ZFP64: variants seen among roughly 807,000 people sequenced by gnomAD.
The protein encoded by ZFP64 is ZFP64 zinc finger protein.
In ZFP64, 14 loss-of-function variants were observed where a neutral mutation model predicts 51.6. That is an observed-to-expected ratio of 0.27 (90% CI 0.18 to 0.42). ZFP64 has a LOEUF of 0.42. Among genes scored for constraint, ZFP64 ranks in the 10% least tolerant of loss-of-function variants. The pLI, the probability that ZFP64 is intolerant of heterozygous loss-of-function variation, is 1.00. For missense variants in ZFP64, 754 were observed against 906.8 expected, an observed-to-expected ratio of 0.83 and a Z score of 2.16; for synonymous variants, 375 against 361.4, an observed-to-expected ratio of 1.04 and a Z score of -0.43.
chr20:52,171,410 C>CGTATGT (rs1202171936), intron 2 of ZFP64, among the ~76,000 whole-genome samples: 6 of 151,904 alleles, frequency 3.9e-5, no homozygotes, highest in Non-Finnish European at 5.9e-5. Context: ...TATGTGTATG[C>CGTATGT]GTATGTGTAT....
intron 5 of ZFP64, among the ~76,000 whole-genome samples, chr20:52,143,792 C>T (rs948667353): frequency 7.0e-6 from 1 of 142,486 alleles, no homozygotes; most frequent in Non-Finnish European, 1.6e-5. Flanking sequence ...TCATGTGATC[C>T]TTTTGCCTTG....
intron 2 of ZFP64, chr20:52,176,003 G>T (rs1373148723): frequency 2.0e-6 from 2 of 983,844 alleles, no homozygotes; most frequent in African/African-American, 1.7e-5. Flanking sequence ...GGTGAGTGGC[G>T]CTGCCCTGTT....
chr20:52,091,547 A>C (rs1295118153), intron 7 of ZFP64, among the ~76,000 whole-genome samples: 1 of 152,220 alleles, frequency 6.6e-6, no homozygotes, highest in Non-Finnish European at 1.5e-5. Flanking sequence ...CAGTATGTAG[A>C]TAAAAGTCAA....
intron 5 of ZFP64, among the ~76,000 whole-genome samples, chr20:52,157,994 T>A (rs1981459877): frequency 6.6e-6 from 1 of 152,240 alleles, no homozygotes; most frequent in African/African-American, 2.4e-5. Context: ...GCAAAGGACA[T>A]GAACTCAACC....
intron 5 of ZFP64, among the ~76,000 whole-genome samples, chr20:52,121,871 T>C (rs898556837): frequency 1.3e-5 from 2 of 152,180 alleles, no homozygotes; most frequent in Non-Finnish European, 1.5e-5. Context: ...ATGTAGCTGG[T>C]GACTTGAAGT....
chr20:52,152,120 C>T lies in ZFP64; in HGVS notation c.*26G>A, dbSNP rs753827623. On this transcript the variant is annotated 3_prime_UTR_variant, in exon 6 of 6. Transcript: ENST00000216923. ...AGATTTCTTTTTCTCAATTCCTTTC[C>T]CCCACTCCTTTTGTTTTTTTAAGCA... is the stretch of plus-strand genomic sequence containing the variant. 4.4e-6 allele frequency: 7 copies of T among 1,581,614 alleles called. No individual in the cohort carries two copies. The highest frequency in any genetic ancestry group is 6.0e-6 in the Non-Finnish European group (7 of 1,161,088).
At chr20:52,189,717 G>A (rs1261432903) in intron 1 of ZFP64, among the ~76,000 whole-genome samples, 7 of 151,844 alleles carry the variant, frequency 4.6e-5, no homozygotes, top group African/African-American at 1.5e-4. Context: ...CATGTGATCC[G>A]CCCGCCTCAG....
chr20:52,159,915 C>T (rs1981633642), intron 5 of ZFP64, among the ~76,000 whole-genome samples: 2 of 152,092 alleles, frequency 1.3e-5, no homozygotes, highest in South Asian at 4.1e-4. Context: ...GTGGAGGTTG[C>T]AGTGAGCTGA....
At position 52,110,662 on chromosome 20, in the gene ZFP64, C is replaced by A. The variant is rs115323647; in HGVS notation, c.764-12075G>T. The A allele has an allele frequency of 1.8e-4, 248 of 1,411,692 alleles. 1 individual carries two copies. In the African/African-American group the frequency reaches 3.3e-3, roughly 19 times the overall value. 87.4% of individuals were successfully genotyped at this position (1,411,692 alleles called of 1,614,324 possible). On this transcript the variant is annotated intron_variant, in intron 5 of 8. Coordinates refer to the ZFP64 transcript ENST00000361387. ...GTGTCCTATGCAGCTGGCCACCAGG[C>A]CACCTGGCATAGCTAGCTAGACCCC...
chr20:52,142,390 A>ACACGCGCG (rs1555804640), intron 5 of ZFP64, among the ~76,000 whole-genome samples: 63 of 148,912 alleles, frequency 4.2e-4, no homozygotes, highest in African/African-American at 1.4e-3. Context: ...ACACACACAC[A>ACACGCGCG]CACACACACA....
intron 5 of ZFP64, chr20:52,098,644 T>A: frequency 1.2e-6 from 2 of 1,607,788 alleles, no homozygotes; most frequent in Admixed American, 3.3e-5. Context: ...ATGCTAAGTC[T>A]TAGAATACAG....
At chr20:52,084,739 C>A in exon 9 of ZFP64, 1 of 1,614,236 alleles carries the variant, frequency 6.2e-7, no homozygotes, top group Non-Finnish European at 8.5e-7. Context: ...AAGGAGGCGC[C>A]GCAGGTCTCA....
At chr20:52,161,450 C>CTTTTTT (rs11469696) in intron 4 of ZFP64, among the ~76,000 whole-genome samples, 1,719 of 115,002 alleles carry the variant, frequency 0.015, 66 homozygotes, top group African/African-American at 0.055. Context: ...TGATTGCTTT[C>CTTTTTT]TTTTTTTTTT....
chr20:52,187,796 GT>G (rs1476741450), intron 1 of ZFP64, among the ~76,000 whole-genome samples: 1 of 152,092 alleles, frequency 6.6e-6, no homozygotes, highest in East Asian at 1.9e-4. Flanking sequence ...TAGTGGCATT[GT>G]TTGCAAGAAA....
chr20:52,178,911 G>T (rs1220148073), intron 2 of ZFP64, among the ~76,000 whole-genome samples: 1 of 152,128 alleles, frequency 6.6e-6, no homozygotes, highest in African/African-American at 2.4e-5. Flanking sequence ...CCCTCCCCGA[G>T]GGGCTTGGAA....
intron 5 of ZFP64, among the ~76,000 whole-genome samples, chr20:52,128,460 A>G (rs6013396): frequency 0.42 from 63,688 of 152,020 alleles, 14,442 homozygotes; most frequent in Admixed American, 0.5. Context: ...CTACCATAGC[A>G]ACTAACCTGA....
chr20:52,137,030 G>T (rs1239987049), intron 5 of ZFP64, among the ~76,000 whole-genome samples: 1 of 152,144 alleles, frequency 6.6e-6, no homozygotes, highest in Non-Finnish European at 1.5e-5. Flanking sequence ...CTCCCAAAAT[G>T]CTGGGATTAC....
chr20:52,118,647 G>A (rs1490493023), intron 5 of ZFP64, among the ~76,000 whole-genome samples: 1 of 152,186 alleles, frequency 6.6e-6, no homozygotes, highest in Non-Finnish European at 1.5e-5. Context: ...TGCCACTGGG[G>A]GCAAGGCTTT....
At chr20:52,090,789 A>AT (rs34728955) in intron 7 of ZFP64, among the ~76,000 whole-genome samples, 21,676 of 132,358 alleles carry the variant, frequency 0.16, 2,846 homozygotes, top group African/African-American at 0.36. Context: ...ACAGAGCAAG[A>AT]TTTTTTTTTT....
Sources: allele counts gnomAD v4.1 joint callset (sites outside exome capture counted in the v4.1 genomes callset), GRCh38; gene constraint gnomAD v4.1.1; transcripts MANE v1.5; gene names NCBI Gene and HGNC (gene_info 2026-07-23, HGNC 2026-07-21).